The following ATP6V0A1 variants were observed in gnomAD, a reference collection of about 807,000 sequenced individuals.
ATP6V0A1 encodes the protein V-type proton ATPase 116 kDa subunit a 1.
A neutral mutation model predicts 105.4 loss-of-function variants in ATP6V0A1; 43 were observed. The observed-to-expected ratio is 0.41, with a 90% CI of 0.32 to 0.53. The LOEUF (loss-of-function observed/expected upper bound fraction) is 0.53. Among genes scored for constraint, ATP6V0A1 ranks in the 20% least tolerant of loss-of-function variants. The pLI is 0.30. For missense variants in ATP6V0A1, 676 were observed against 1,051.1 expected (o/e 0.64, Z 4.93); for synonymous variants, 362 against 372.8 (o/e 0.97, Z 0.33).
At chr17:42,508,456 C>G in intron 18 of ATP6V0A1, 116 bp from the exon 19 acceptor site, 4 of 1,349,624 alleles carry the variant, frequency 3.0e-6, no homozygotes, top group Non-Finnish European at 4.2e-6. Flanking sequence ...CTCCAACGTG[C>G]TAGCCCATTT....
chr17:42,485,361 G>A (rs2089998490), intron 9 of ATP6V0A1, among the ~76,000 whole-genome samples: 3 of 152,208 alleles, frequency 2.0e-5, no homozygotes, highest in African/African-American at 7.2e-5. Context: ...AAGAGCATAT[G>A]TGGTAGTCAT....
At chr17:42,511,288 A>C (rs1000751366) in intron 19 of ATP6V0A1, 1 of 152,194 alleles carries the variant, frequency 6.6e-6, no homozygotes, top group Non-Finnish European at 1.5e-5. Flanking sequence ...TAATCCCAGC[A>C]CTTTGGGAGG....
chr17:42,463,917 A>G (rs1244399074), intron 2 of ATP6V0A1, among the ~76,000 whole-genome samples: 3 of 152,216 alleles, frequency 2.0e-5, no homozygotes, highest in African/African-American at 4.8e-5. Flanking sequence ...GAAAATCATA[A>G]GGAAGATAAA....
At chr17:42,509,823 C>T (rs2092258925) in intron 19 of ATP6V0A1, 1 of 152,320 alleles carries the variant, frequency 6.6e-6, no homozygotes, top group Non-Finnish European at 1.5e-5. Context: ...ATTCAGCCTC[C>T]CCAGTCTCTG....
At chr17:42,459,314 T>A (rs1053985076) in intron 1 of ATP6V0A1, 5 of 152,276 alleles carry the variant, frequency 3.3e-5, no homozygotes, top group African/African-American at 1.2e-4. Flanking sequence ...TCCAGAGAAT[T>A]CCTGCTCATT....
At chr17:42,465,678 A>G (rs777672185) in intron 2 of ATP6V0A1, among the ~76,000 whole-genome samples, 3 of 151,348 alleles carry the variant, frequency 2.0e-5, no homozygotes, top group Admixed American at 6.6e-5. Flanking sequence ...AAAATTACTT[A>G]TGGTGCCAGA....
chr17:42,493,059 A>ACAGC (rs2090814428), intron 11 of ATP6V0A1, among the ~76,000 whole-genome samples: 1 of 152,210 alleles, frequency 6.6e-6, no homozygotes, highest in South Asian at 2.1e-4. Context: ...ATGTGCCCTC[A>ACAGC]CAGCCCTAAA....
In ATP6V0A1 at chr17:42,521,391, T is replaced by G. The variant is rs984162802; in HGVS notation, c.*271T>G. The G allele has an allele frequency of 7.1e-6, 2 of 280,036 alleles. No homozygotes were observed. The highest frequency in any genetic ancestry group is 4.4e-5 in the African/African-American group (2 of 45,580). The allele number at this position is 280,036 out of a possible 1,614,324, so 17.3% of individuals were successfully genotyped here. A position where few individuals can be genotyped will look rare whatever the true frequency, so the allele number is the denominator to read the frequency against. On this transcript the variant is annotated 3_prime_UTR_variant, in exon 22 of 22. Coordinates refer to ENST00000343619, the MANE Select transcript of ATP6V0A1 (RefSeq NM_001130021.3). This position sits in a 1 kb window ranked among gnomAD's most constrained non-coding sequence, Gnocchi z 4.8. ...ATCCATCCAGACAGCCCTTCCCACC[T>G]CCTGGTGGTGAGCCAGTCTGCATTC...
Position 42,501,178 on chromosome 17 carries a change from CCTT to C in ATP6V0A1, c.1897-12_1897-10del, listed in dbSNP as rs776259721. 42 of 1,586,262 alleles carry C rather than the reference CCTT, an allele frequency of 2.6e-5. No homozygotes were observed. Among genetic ancestry groups the C allele is most frequent in the Middle Eastern group, 1.7e-4 (1 of 6,014 alleles). ...TAGACTTTTATATGATGTACCTTGT[CCTT>C]CTTCTTACTCTGCAGAAAGGAATTC... On this transcript the variant is annotated splice_polypyrimidine_tract_variant and intron_variant, in intron 16 of 21. Transcript: ENST00000343619.
intron 5 of ATP6V0A1, chr17:42,470,552 G>T: frequency 5.4e-6 from 1 of 184,966 alleles, no homozygotes; most frequent in Non-Finnish European, 1.1e-5. Flanking sequence ...AGCTGAGGAA[G>T]CAAACATTTG....
chr17:42,507,503 TC>T lies in ATP6V0A1; in HGVS notation c.2005-16del, dbSNP rs762885796. 1.9e-6 allele frequency: 3 copies of T among 1,577,048 alleles called. No individual in the cohort carries two copies. The South Asian group carries it at 3.4e-5, about 18-fold the overall frequency. On this transcript the variant is annotated splice_polypyrimidine_tract_variant and intron_variant, in intron 17 of 21. Coordinates refer to ENST00000343619, the MANE Select transcript of ATP6V0A1 (RefSeq NM_001130021.3). ...TAAAGCCCAGGCAAATTCTACTCTT[TC>T]TGTTCATCTGTGTAGGGAACTCTCA...
chr17:42,517,289 A>G (rs978806104), intron 21 of ATP6V0A1, among the ~76,000 whole-genome samples: 53 of 151,934 alleles, frequency 3.5e-4, no homozygotes, highest in African/African-American at 1.2e-3. Flanking sequence ...CAAAACAACA[A>G]CAACAACAAC....
chr17:42,508,992 C>G (rs1474122259), intron 19 of ATP6V0A1, among the ~76,000 whole-genome samples: 1 of 151,998 alleles, frequency 6.6e-6, no homozygotes, highest in Middle Eastern at 3.2e-3. Flanking sequence ...CCCTGCTCCT[C>G]CTAGTGCTTG....
At chr17:42,473,029 G>A (rs1239980240) in intron 5 of ATP6V0A1, among the ~76,000 whole-genome samples, 1 of 152,150 alleles carries the variant, frequency 6.6e-6, no homozygotes, top group East Asian at 1.9e-4. Context: ...TTAAGGATTT[G>A]ACTCAGAAGC....
chr17:42,474,898 A>G lies in ATP6V0A1; in HGVS notation c.424-2762A>G, dbSNP rs568775377. 1.2e-4 allele frequency among the ~76,000 whole-genome samples: 19 copies of G among 152,314 alleles called. No individual in the cohort carries two copies. The South Asian group carries it at 2.3e-3, about 18-fold the overall frequency. On this transcript the variant is annotated intron_variant, in intron 5 of 21. Coordinates refer to ENST00000343619, the MANE Select transcript of ATP6V0A1 (RefSeq NM_001130021.3). ...AGTCTTATGATTAAAGATGATTACA[A>G]ATTTGACTTAGTCATTTCTTATCTA...
In ATP6V0A1 at chr17:42,477,762, T is replaced by C. The variant is rs181459853; in HGVS notation, c.506+20T>C. 3.5e-5 allele frequency: 55 copies of C among 1,590,046 alleles called. No homozygotes were observed. In the African/African-American group the frequency reaches 6.5e-4, roughly 19 times the overall value. Reference sequence around the variant, plus strand: ...ACTTGGGTAAGTGCCATGTCAACTTTTCGGTATTCAGTGGGGCCATGTTCA... The same window carrying C: ...ACTTGGGTAAGTGCCATGTCAACTTCTCGGTATTCAGTGGGGCCATGTTCA... On this transcript the variant is annotated intron_variant, in intron 6 of 21. Transcript: ENST00000343619.
In ATP6V0A1 at chr17:42,514,383, C is replaced by A; in HGVS notation, c.2343C>A (p.Ala781=). 6.2e-7 allele frequency: 1 copy of A among 1,613,894 alleles called. No homozygotes were observed. Among genetic ancestry groups the A allele is most frequent in the Non-Finnish European group, 8.5e-7 (1 of 1,179,880 alleles). The change falls in exon 21 of 22, where the codon GCC becomes GCA. Residue 781 remains alanine (A), a synonymous_variant. Transcript: ENST00000343619. The stretch of plus-strand genomic sequence containing the variant: ...TGGTGCTGTTCTTCTTCTTCACTGC[C>A]TTTGCCACCCTGACCGTGGCCATCC... ...GGLVLFFFFT[A]FATLTVAILL...
chr17:42,472,699 G>C (rs530644473), intron 5 of ATP6V0A1, among the ~76,000 whole-genome samples: 2 of 152,200 alleles, frequency 1.3e-5, no homozygotes, highest in South Asian at 4.1e-4. Context: ...ACTCTAGCCT[G>C]GGCGAAAGAG....
Position 42,513,741 on chromosome 17 carries a change from C to T in ATP6V0A1, c.2131-120C>T, listed in dbSNP as rs201698822. The stretch of plus-strand genomic sequence containing the variant: ...GCCCCTCCAGAGTTGAGGTGCCATC[C>T]ATGGGAAGTGCAGTCCCCTGCCCTG... On this transcript the variant is annotated intron_variant, in intron 19 of 21. Transcript: ENST00000343619. 20 of 918,682 alleles carry T rather than the reference C, an allele frequency of 2.2e-5. No homozygotes were observed. The East Asian group carries it at 4.6e-4, about 21-fold the overall frequency. 56.9% of individuals were successfully genotyped at this position (918,682 alleles called of 1,614,324 possible). A position where few individuals can be genotyped will look rare whatever the true frequency, so the allele number is the denominator to read the frequency against.
Sources: allele counts gnomAD v4.1 joint callset (sites outside exome capture counted in the v4.1 genomes callset), GRCh38; gene constraint gnomAD v4.1.1; non-coding constraint Gnocchi (gnomAD v3.1); transcripts MANE v1.5; gene names NCBI Gene and HGNC (gene_info 2026-07-23, HGNC 2026-07-21).